SLC14A2: variants seen among roughly 807,000 people sequenced by gnomAD.
SLC14A2 encodes solute carrier family 14 member 2, also known as urea transporter 2.
SLC14A2 carries 91 observed loss-of-function variants against 104.6 expected under a neutral mutation model. The observed-to-expected ratio is 0.87, with a 90% CI of 0.73 to 1.04. The LOEUF is 1.04. Among genes scored for constraint, SLC14A2 ranks in the 50% least tolerant of loss-of-function variants. The probability of loss-of-function intolerance (pLI) is 0.00; values close to 1 mark genes in which losing one functional copy is unlikely to be tolerated. For synonymous variants in SLC14A2, 476 were observed against 466.4 expected (o/e 1.02, Z -0.27); for missense variants, 1,189 against 1,156.0 (o/e 1.03, Z -0.41).
chr18:45,552,386 C>G (rs1412779011), intron 2 of SLC14A2, among the ~76,000 whole-genome samples: 2 of 152,032 alleles, frequency 1.3e-5, no homozygotes, highest in Non-Finnish European at 2.9e-5. Context: ...CCCCCACCCC[C>G]TGCATTTTCT....
At chr18:45,562,895 G>T (rs2044219292) in intron 2 of SLC14A2, among the ~76,000 whole-genome samples, 1 of 152,178 alleles carries the variant, frequency 6.6e-6, no homozygotes, top group South Asian at 2.1e-4. Context: ...TCTGCAAGCG[G>T]TGCATTTAAA....
intron 10 of SLC14A2, 25 bp downstream of exon 10, chr18:45,644,185 A>C: frequency 6.2e-7 from 1 of 1,612,016 alleles, no homozygotes; most frequent in Non-Finnish European, 8.5e-7. Flanking sequence ...TCGGGGAAGA[A>C]ACGCTCTTTG....
At chr18:45,381,051 C>T (rs953300245) in intron 1 of SLC14A2, among the ~76,000 whole-genome samples, 1 of 152,222 alleles carries the variant, frequency 6.6e-6, no homozygotes. Context: ...GTTAGGCTGT[C>T]ACCCCTTAGA....
intron 1 of SLC14A2, among the ~76,000 whole-genome samples, chr18:45,361,531 T>G (rs2085611040): frequency 1.3e-5 from 2 of 152,186 alleles, no homozygotes; most frequent in African/African-American, 4.8e-5. Flanking sequence ...GACAGAACCC[T>G]AATATCAAAA....
At chr18:45,483,824 A>G (rs1013789483) in intron 2 of SLC14A2, among the ~76,000 whole-genome samples, 11 of 152,100 alleles carry the variant, frequency 7.2e-5, no homozygotes, top group African/African-American at 2.4e-4. Context: ...CTGTTTTGCC[A>G]GGCATCGATT....
chr18:45,639,716 C>T (rs138912944), intron 6 of SLC14A2, 30 bp from the exon 7 acceptor site: 8 of 1,610,518 alleles, frequency 5.0e-6, no homozygotes, highest in Middle Eastern at 1.7e-4. Context: ...TGTCCATGCT[C>T]CAGTGACCTG....
chr18:45,641,643 A>C (rs1167755013), intron 8 of SLC14A2, among the ~76,000 whole-genome samples: 1 of 152,210 alleles, frequency 6.6e-6, no homozygotes, highest in Non-Finnish European at 1.5e-5. Context: ...ATAACTCTTC[A>C]TTCAACAACT....
At chr18:45,560,363 C>T (rs755473899) in intron 2 of SLC14A2, among the ~76,000 whole-genome samples, 16 of 152,088 alleles carry the variant, frequency 1.1e-4, no homozygotes, top group Non-Finnish European at 2.1e-4. Context: ...CCATCTCTAC[C>T]CCCAGAATCT....
At chr18:45,586,118 G>A (rs960636365) in intron 2 of SLC14A2, among the ~76,000 whole-genome samples, 3 of 152,146 alleles carry the variant, frequency 2.0e-5, no homozygotes, top group Non-Finnish European at 2.9e-5. Context: ...TTAGGTTTGC[G>A]CAAAAGTAAT....
At chr18:45,396,088 T>C (rs1158308457) in intron 1 of SLC14A2, among the ~76,000 whole-genome samples, 1 of 152,194 alleles carries the variant, frequency 6.6e-6, no homozygotes, top group African/African-American at 2.4e-5. Flanking sequence ...ATTCTTAATC[T>C]TTTTTTCATT....
chr18:45,228,081 CAA>C (rs369595156), intron 1 of SLC14A2, among the ~76,000 whole-genome samples: 11 of 152,064 alleles, frequency 7.2e-5, no homozygotes, highest in South Asian at 2.1e-4. Context: ...TTCTGTAAGA[CAA>C]GAGAGAATCT....
the SLC14A2 span, among the ~76,000 whole-genome samples, chr18:45,204,120 G>C: frequency 6.6e-6 from 1 of 152,248 alleles, no homozygotes; most frequent in Admixed American, 6.5e-5. Context: ...CAAAGGGTAG[G>C]CTGTTGCATA....
chr18:45,350,535 T>A lies in SLC14A2; in HGVS notation c.-124-132698T>A, dbSNP rs185666377. ...TTAATTCCAAATATCTGGGCAACAA[T>A]CAATAGTGAGAGCATGAGGGGTGTG... On this transcript the variant is annotated intron_variant, in intron 1 of 20. Coordinates refer to the SLC14A2 transcript ENST00000586448. Among the ~76,000 whole-genome samples the A allele has an allele frequency of 2.0e-5, 3 of 152,194 alleles. No individual in the cohort carries two copies. The East Asian group carries it at 5.8e-4, about 29-fold the overall frequency.
At chr18:45,192,667 G>GTTTTGTTTTGTTTTGT in the SLC14A2 span, among the ~76,000 whole-genome samples, 406 of 149,788 alleles carry the variant, frequency 2.7e-3, 2 homozygotes, top group African/African-American at 9.5e-3. Flanking sequence ...GTTTTGTTTT[G>GTTTTGTTTTGTTTTGT]TTTTTTTGAG....
chr18:45,226,431 A>G (rs375106366), intron 1 of SLC14A2, among the ~76,000 whole-genome samples: 2 of 152,268 alleles, frequency 1.3e-5, no homozygotes, highest in South Asian at 4.1e-4. Context: ...AATGTCCATC[A>G]ATGACAAATT....
At chr18:45,503,840 T>TGTTCTCATGATGCTTCGCAC (rs376168648) in intron 2 of SLC14A2, among the ~76,000 whole-genome samples, 1 of 151,720 alleles carries the variant, frequency 6.6e-6, no homozygotes, top group Non-Finnish European at 1.5e-5. Flanking sequence ...TTATCAAAGA[T>TGTTCTCATGATGCTTCGCAC]ACCACTGGAA....
intron 10 of SLC14A2, among the ~76,000 whole-genome samples, chr18:45,663,208 C>T (rs2045960311): frequency 6.6e-6 from 1 of 152,210 alleles, no homozygotes; most frequent in East Asian, 1.9e-4. Flanking sequence ...TTCTAACAAG[C>T]TCCCAGGCAG....
At chr18:45,323,400 T>C (rs750463970) in intron 1 of SLC14A2, among the ~76,000 whole-genome samples, 13 of 152,100 alleles carry the variant, frequency 8.5e-5, no homozygotes, top group Non-Finnish European at 1.3e-4. Flanking sequence ...GCCAGCTATA[T>C]CCTCCCTGAA....
intron 1 of SLC14A2, among the ~76,000 whole-genome samples, chr18:45,430,178 G>T (rs1304034069): frequency 6.6e-6 from 1 of 152,204 alleles, no homozygotes; most frequent in Non-Finnish European, 1.5e-5. Flanking sequence ...CTAAAGCATG[G>T]TCATTTTGGC....
Sources: gnomAD v4.1 joint callset for allele counts (sites outside exome capture counted in the v4.1 genomes callset) on GRCh38, gnomAD v4.1.1 for gene constraint, MANE v1.5 for transcripts, NCBI Gene and HGNC (gene_info 2026-07-23, HGNC 2026-07-21) for gene names.